The following RHCE variants were observed in gnomAD, a reference collection of about 807,000 sequenced individuals.
RHCE encodes Rh blood group CcEe antigens.
Under a neutral mutation model 43.8 loss-of-function variants are expected in RHCE, and 22 were observed. The ratio of observed to expected loss-of-function variants is 0.50; its 90% CI spans 0.36 to 0.72. The LOEUF (loss-of-function observed/expected upper bound fraction) is 0.72, where lower values mean the gene tolerates loss of function less well. RHCE is among the 30% of genes least tolerant of loss of function. The pLI is 0.00. For missense variants in RHCE, 385 were observed against 525.4 expected, an observed-to-expected ratio of 0.73 and a Z score of 2.61; for synonymous variants, 156 against 210.7, an observed-to-expected ratio of 0.74 and a Z score of 2.25.
intron 9 of RHCE, among the ~76,000 whole-genome samples, chr1:25,368,304 GACTTA>G (rs1201189215): frequency 3.9e-5 from 5 of 127,028 alleles, no homozygotes; most frequent in African/African-American, 1.6e-4. Context: ...CTTCCTCAAG[GACTTA>G]ACTTGTGCAA....
chr1:25,392,562 C>CTTTTT (rs1211993147), intron 3 of RHCE, among the ~76,000 whole-genome samples: 6 of 66,384 alleles, frequency 9.0e-5, no homozygotes, highest in Non-Finnish European at 1.1e-4. Context: ...TGCCCGGCCT[C>CTTTTT]TTTTTTTTTT....
chr1:25,381,431 T>C (rs1313030663), intron 7 of RHCE, among the ~76,000 whole-genome samples: 1 of 152,174 alleles, frequency 6.6e-6, no homozygotes, highest in Non-Finnish European at 1.5e-5. Context: ...TAGAACTGTC[T>C]TTAATGCTCC....
chr1:25,411,525 G>A, intron 1 of RHCE: 1 of 1,484,562 alleles, frequency 6.7e-7, no homozygotes, highest in Non-Finnish European at 9.1e-7. Context: ...AAATCAACCT[G>A]ACACCACCAG....
chr1:25,385,051 T>C (rs1250729432), intron 7 of RHCE, among the ~76,000 whole-genome samples: 1 of 152,202 alleles, frequency 6.6e-6, no homozygotes, highest in African/African-American at 2.4e-5. Flanking sequence ...CCAGAAAATA[T>C]TCACACAACA....
intron 1 of RHCE, among the ~76,000 whole-genome samples, chr1:25,429,221 GTT>G (rs386366538): frequency 9.1e-4 from 102 of 112,366 alleles, no homozygotes; most frequent in African/African-American, 3.3e-3. Context: ...TTCCTGGGAA[GTT>G]TTTTTTTTTT....
In RHCE at chr1:25,406,373, C is replaced by T. The variant is rs139744077; in HGVS notation, c.335+2310G>A. 1.7e-5 allele frequency among the ~76,000 whole-genome samples: 2 copies of T among 120,978 alleles called. 1 individual carries two copies. Among genetic ancestry groups the T allele is most frequent in the Non-Finnish European group, 3.8e-5 (2 of 53,198 alleles). The allele number at this position is 120,978 out of a possible 152,430, so 79.4% of individuals were successfully genotyped here. A position where few individuals can be genotyped will look rare whatever the true frequency, so the allele number is the denominator to read the frequency against. ...TGTCGCCCAGGCTACAGTGCAATGG[C>T]GCGATCTCGGCTCACTATAGCCTCC... is the stretch of plus-strand genomic sequence containing the variant. On this transcript the variant is annotated intron_variant, in intron 2 of 9. Transcript: ENST00000294413.
At chr1:25,425,769 T>C (rs1300293094), upstream of RHCE, among the ~76,000 whole-genome samples, 1 of 152,218 alleles carries the variant, frequency 6.6e-6, no homozygotes, top group African/African-American at 2.4e-5. Flanking sequence ...TCCCTGAGAA[T>C]ACCTGCCATG....
At chr1:25,390,205 A>G (rs1292765519) in intron 5 of RHCE, among the ~76,000 whole-genome samples, 1 of 152,138 alleles carries the variant, frequency 6.6e-6, no homozygotes, top group Non-Finnish European at 1.5e-5. Flanking sequence ...TACTAATAGC[A>G]GCAGCTAATG....
At chr1:25,429,506 G>A (rs1251331000) in intron 1 of RHCE, among the ~76,000 whole-genome samples, 1 of 152,182 alleles carries the variant, frequency 6.6e-6, no homozygotes, top group East Asian at 1.9e-4. Context: ...CATTGTCGTT[G>A]AGGGATTACA....
upstream of RHCE, chr1:25,420,920 G>C: frequency 5.2e-6 from 8 of 1,545,816 alleles, no homozygotes; most frequent in Non-Finnish European, 6.1e-6. Context: ...AAGGCTGGCT[G>C]TGCTGGCCTG....
intron 1 of RHCE, among the ~76,000 whole-genome samples, chr1:25,414,502 G>A (rs947749637): frequency 1.3e-5 from 2 of 151,988 alleles, no homozygotes; most frequent in African/African-American, 4.8e-5. Flanking sequence ...CCAGCAGCCT[G>A]GGAAGAAAAA....
At chr1:25,423,546 C>T (rs1005620633), upstream of RHCE, among the ~76,000 whole-genome samples, 4 of 152,208 alleles carry the variant, frequency 2.6e-5, no homozygotes, top group African/African-American at 7.2e-5. Context: ...TCCCGCTCCT[C>T]GCAGAACAGA....
chr1:25,428,548 G>A (rs1209523443), intron 2 of RHCE, among the ~76,000 whole-genome samples: 1 of 152,216 alleles, frequency 6.6e-6, no homozygotes, highest in East Asian at 1.9e-4. Flanking sequence ...TACTGAAGTA[G>A]AATTAAGGCA....
intron 1 of RHCE, 83 bp downstream of exon 1, chr1:25,420,556 C>T: frequency 1.2e-6 from 2 of 1,612,900 alleles, no homozygotes; most frequent in Non-Finnish European, 1.7e-6. Context: ...AAAGGAACAT[C>T]TGTGCCCCTG....
chr1:25,426,208 A>G (rs575538197), intron 2 of RHCE, among the ~76,000 whole-genome samples: 1 of 152,346 alleles, frequency 6.6e-6, no homozygotes, highest in African/African-American at 2.4e-5. Flanking sequence ...CAGATGCATA[A>G]AGCTAACATA....
At chr1:25,414,080 T>C (rs1298413163) in intron 1 of RHCE, among the ~76,000 whole-genome samples, 4 of 152,108 alleles carry the variant, frequency 2.6e-5, no homozygotes, top group Non-Finnish European at 4.4e-5. Flanking sequence ...TTGCCCAGCA[T>C]TGGGTACGTA....
chr1:25,391,962 G>C, intron 4 of RHCE, 32 bp downstream of exon 4: 6 of 1,612,836 alleles, frequency 3.7e-6, no homozygotes, highest in Non-Finnish European at 2.5e-6. Flanking sequence ...CTCAGCCCAA[G>C]TATGAGACCA....
At chr1:25,394,095 T>C (rs1410647914) in intron 3 of RHCE, among the ~76,000 whole-genome samples, 4 of 152,182 alleles carry the variant, frequency 2.6e-5, no homozygotes, top group Non-Finnish European at 4.4e-5. Flanking sequence ...TTCAAGCGAT[T>C]CTCCTGCTTC....
chr1:25,412,735 A>AT (rs1557640696), intron 1 of RHCE, among the ~76,000 whole-genome samples: 67 of 150,118 alleles, frequency 4.5e-4, no homozygotes, highest in African/African-American at 1.6e-3. Context: ...AAAAAAAAAA[A>AT]AAAAAAAGGC....
Sources: gnomAD v4.1 joint callset for allele counts (sites outside exome capture counted in the v4.1 genomes callset) on GRCh38, gnomAD v4.1.1 for gene constraint, MANE v1.5 for transcripts, NCBI Gene and HGNC (gene_info 2026-07-23, HGNC 2026-07-21) for gene names.